Variants in AFF2 observed in about 807,000 individuals in gnomAD.
The protein encoded by AFF2 is AF4/FMR2 family member 2.
In AFF2, 14 loss-of-function variants were observed where a neutral mutation model predicts 76.9. The observed-to-expected ratio is 0.18, with a 90% CI of 0.12 to 0.28. AFF2 has a LOEUF of 0.28. Among genes scored for constraint, AFF2 ranks in the 10% least tolerant of loss-of-function variants. The pLI is 1.00. For synonymous variants in AFF2, 398 were observed against 366.7 expected (o/e 1.09, Z -0.98); for missense variants, 868 against 1,001.1 (o/e 0.87, Z 1.79).
chrX:148,769,308 C>A (rs1194106525), intron 3 of AFF2, among the ~76,000 whole-genome samples: 1 of 111,637 alleles, frequency 9.0e-6, no homozygotes, highest in African/African-American at 3.3e-5. Flanking sequence ...GGGTAAAAGG[C>A]AGCTATAGTG....
chrX:148,748,190 C>T lies in AFF2; in HGVS notation c.1042-61686C>T, dbSNP rs565096266. On this transcript the variant is annotated intron_variant, in intron 3 of 20. Coordinates refer to ENST00000370460, the MANE Select transcript of AFF2 (RefSeq NM_002025.4). ...ACAGTTAGCGGCACTACCACTGTAACGGATACACTGAATAACAATTGACTT... is the reference window on the plus strand; with the variant it reads ...ACAGTTAGCGGCACTACCACTGTAATGGATACACTGAATAACAATTGACTT... Among the ~76,000 whole-genome samples, 31 of 112,250 alleles carry T rather than the reference C, an allele frequency of 2.8e-4. 1 individual carries two copies. The South Asian group carries it at 6.7e-3, about 24-fold the overall frequency.
intron 1 of AFF2, among the ~76,000 whole-genome samples, chrX:148,625,673 T>C (rs2053918651): frequency 8.9e-6 from 1 of 112,009 alleles, no homozygotes; most frequent in Non-Finnish European, 1.9e-5. Context: ...AGTCACACTT[T>C]CTTTCCTCCA....
intron 1 of AFF2, among the ~76,000 whole-genome samples, chrX:148,635,643 T>C (rs1434604381): frequency 9.0e-6 from 1 of 111,330 alleles, no homozygotes; most frequent in Non-Finnish European, 1.9e-5. Context: ...CTGCACAGTG[T>C]TGGGGACTGG....
intron 1 of AFF2, among the ~76,000 whole-genome samples, chrX:148,505,413 C>G (rs1258367900): frequency 8.9e-6 from 1 of 111,792 alleles, no homozygotes; most frequent in African/African-American, 3.3e-5. Context: ...TTAAAATATA[C>G]AAATCAAGGT....
chrX:148,701,514 T>A (rs2054799937), intron 3 of AFF2, among the ~76,000 whole-genome samples: 1 of 112,196 alleles, frequency 8.9e-6, no homozygotes, highest in Non-Finnish European at 1.9e-5. Flanking sequence ...CCAGGAAGAA[T>A]CTGCATTGAA....
At chrX:148,812,494 C>A (rs142051544) in intron 4 of AFF2, among the ~76,000 whole-genome samples, 1 of 110,949 alleles carries the variant, frequency 9.0e-6, no homozygotes, top group African/African-American at 3.3e-5. Context: ...TAGAAGCATG[C>A]GCTAGTTATT....
chrX:148,829,765 C>T (rs782520940), intron 4 of AFF2, among the ~76,000 whole-genome samples: 7 of 112,081 alleles, frequency 6.2e-5, no homozygotes, highest in African/African-American at 1.9e-4. Flanking sequence ...GAGGACATTT[C>T]GCCTTCAGAG....
At chrX:148,915,684 C>T (rs782583558) in intron 9 of AFF2, among the ~76,000 whole-genome samples, 2 of 112,421 alleles carry the variant, frequency 1.8e-5, no homozygotes, top group Non-Finnish European at 3.8e-5. Context: ...ATCTCTCTCA[C>T]GAGCTGGAGA....
chrX:148,932,934 A>G (rs1183708590), intron 9 of AFF2, among the ~76,000 whole-genome samples: 1 of 112,652 alleles, frequency 8.9e-6, no homozygotes, highest in African/African-American at 3.2e-5. Flanking sequence ...TGGAGTTTAT[A>G]TTCTCTTGGG....
intron 9 of AFF2, among the ~76,000 whole-genome samples, chrX:148,931,253 CAAAAAAAAAA>C (rs782537927): frequency 2.3e-5 from 1 of 43,766 alleles, no homozygotes; most frequent in South Asian, 3.5e-3. Flanking sequence ...GACTCTGTCT[CAAAAAAAAAA>C]AAAAAAAAAA....
intron 3 of AFF2, among the ~76,000 whole-genome samples, chrX:148,771,664 G>A (rs782142655): frequency 2.7e-5 from 3 of 112,147 alleles, no homozygotes; most frequent in Admixed American, 9.4e-5. Context: ...GATCCTCAGT[G>A]AATCTGATTG....
Position 148,643,780 on chromosome X carries a change from C to T in AFF2, c.48-8219C>T, listed in dbSNP as rs372389744. Among the ~76,000 whole-genome samples the T allele has an allele frequency of 2.9e-4, 32 of 111,319 alleles. 1 individual carries two copies. Among genetic ancestry groups the T allele is most frequent in the South Asian group, 1.1e-3 (3 of 2,632 alleles). ...CATTCTGAGCTGCTTGGGGGAGAAG[C>T]GAAGTAACATTTGTTGAGGAGATAG... On this transcript the variant is annotated intron_variant, in intron 1 of 20. Transcript: ENST00000370460.
At chrX:148,843,058 A>AT (rs2070620240) in intron 6 of AFF2, 56 bp downstream of exon 6, 1 of 1,006,492 alleles carries the variant, frequency 9.9e-7, no homozygotes, top group East Asian at 3.1e-5. Flanking sequence ...CTGCTCCCTC[A>AT]TTTTTTCCTT....
At chrX:148,640,216 C>T (rs2054074231) in intron 1 of AFF2, among the ~76,000 whole-genome samples, 1 of 112,232 alleles carries the variant, frequency 8.9e-6, no homozygotes, top group African/African-American at 3.2e-5. Flanking sequence ...ACAACAAGGT[C>T]TCCAAACATT....
intron 3 of AFF2, among the ~76,000 whole-genome samples, chrX:148,666,991 C>G (rs1163961537): frequency 8.9e-6 from 1 of 112,212 alleles, no homozygotes; most frequent in Non-Finnish European, 1.9e-5. Context: ...TATTAAATGT[C>G]TCCATCCTAA....
chrX:148,797,185 A>G (rs1557270567), intron 3 of AFF2, among the ~76,000 whole-genome samples: 1 of 111,787 alleles, frequency 8.9e-6, no homozygotes, highest in Non-Finnish European at 1.9e-5. Flanking sequence ...CACAAGTTGA[A>G]TCTTTCAAAT....
At chrX:148,678,668 T>C (rs2054511404) in intron 3 of AFF2, among the ~76,000 whole-genome samples, 1 of 112,012 alleles carries the variant, frequency 8.9e-6, no homozygotes, top group Non-Finnish European at 1.9e-5. Flanking sequence ...CCATTTTCCA[T>C]AACCCAAAGA....
intron 5 of AFF2, among the ~76,000 whole-genome samples, chrX:148,841,137 G>A (rs1424796932): frequency 9.0e-6 from 1 of 111,570 alleles, no homozygotes; most frequent in African/African-American, 3.3e-5. Flanking sequence ...GTACAAAGAC[G>A]GCCTGCATGT....
intron 9 of AFF2, among the ~76,000 whole-genome samples, chrX:148,907,624 G>C (rs1421141910): frequency 9.0e-6 from 1 of 111,666 alleles, no homozygotes; most frequent in Non-Finnish European, 1.9e-5. Context: ...TGTACGAATA[G>C]AGTGTGGGTG....
Sources: allele counts gnomAD v4.1 joint callset (sites outside exome capture counted in the v4.1 genomes callset), GRCh38; gene constraint gnomAD v4.1.1; transcripts MANE v1.5; gene names NCBI Gene and HGNC (gene_info 2026-07-23, HGNC 2026-07-21).